Variants in NTRK3 observed in about 807,000 individuals in gnomAD.
NTRK3 encodes the protein NT-3 growth factor receptor.
A neutral mutation model predicts 91.7 loss-of-function variants in NTRK3; 24 were observed. The ratio of observed to expected loss-of-function variants is 0.26; its 90% CI spans 0.19 to 0.37. The LOEUF (loss-of-function observed/expected upper bound fraction) is 0.37. Ranked by LOEUF, NTRK3 falls within the 10% of genes least tolerant of loss-of-function variation. NTRK3 has a pLI of 1.00. For missense variants in NTRK3, 880 were observed against 1,068.9 expected (o/e 0.82, Z 2.46); for synonymous variants, 483 against 404.0 (o/e 1.20, Z -2.34).
At chr15:88,037,165 C>T (rs2079147218) in intron 13 of NTRK3, among the ~76,000 whole-genome samples, 1 of 152,184 alleles carries the variant, frequency 6.6e-6, no homozygotes, top group African/African-American at 2.4e-5. Flanking sequence ...CATCAGAGCC[C>T]TGGGGACCCC....
At chr15:88,044,420 C>G (rs1343340257) in intron 13 of NTRK3, among the ~76,000 whole-genome samples, 1 of 151,670 alleles carries the variant, frequency 6.6e-6, no homozygotes, top group Non-Finnish European at 1.5e-5. Flanking sequence ...GCCACCATAC[C>G]CGGCTAATTT....
chr15:87,908,453 CA>C, intron 17 of NTRK3: 1 of 399,926 alleles, frequency 2.5e-6, no homozygotes, highest in Non-Finnish European at 4.4e-6. Flanking sequence ...CTGCCCTGCC[CA>C]GCCCCCTGGC....
intron 13 of NTRK3, among the ~76,000 whole-genome samples, chr15:88,054,262 A>G (rs2045491318): frequency 6.6e-6 from 1 of 152,242 alleles, no homozygotes. Flanking sequence ...TTTGTTGGAA[A>G]GTTAATATAA....
intron 14 of NTRK3, among the ~76,000 whole-genome samples, chr15:87,975,985 C>T (rs2018052): frequency 0.35 from 53,366 of 152,018 alleles, 10,378 homozygotes; most frequent in East Asian, 0.76. Flanking sequence ...CAATGCTATC[C>T]CTTCCTCCTG....
At chr15:88,225,021 C>G (rs2050553992) in intron 3 of NTRK3, among the ~76,000 whole-genome samples, 2 of 152,162 alleles carry the variant, frequency 1.3e-5, no homozygotes, top group Admixed American at 1.3e-4. Context: ...TTTATTTTCC[C>G]TTAGTAGTTA....
rs186807759 is a variant in NTRK3, at chr15:88,021,809, C to T, written c.1585+11048G>A. Among the ~76,000 whole-genome samples, 31 of 152,246 alleles carry T rather than the reference C, an allele frequency of 2.0e-4. 1 individual carries two copies. In the East Asian group the frequency reaches 5.8e-3, roughly 28 times the overall value. ...GGGACATCTGTCATAAGGTATGACT[C>T]ACGTGTTCACTCACAGCAAGATGGA... On this transcript the variant is annotated intron_variant, in intron 14 of 18. Coordinates refer to ENST00000394480, the Ensembl canonical transcript of NTRK3.
At chr15:87,891,524 C>A (rs1335295331) in intron 17 of NTRK3, among the ~76,000 whole-genome samples, 1 of 152,168 alleles carries the variant, frequency 6.6e-6, no homozygotes, top group Admixed American at 6.5e-5. Context: ...CTACAGATAA[C>A]CATTTCTGTT....
intron 5 of NTRK3, among the ~76,000 whole-genome samples, chr15:88,149,771 T>C (rs1215030679): frequency 6.6e-6 from 1 of 152,128 alleles, no homozygotes; most frequent in Non-Finnish European, 1.5e-5. Flanking sequence ...AGACCAGGAG[T>C]TCGAACTTGG....
intron 14 of NTRK3, among the ~76,000 whole-genome samples, chr15:88,016,741 T>A (rs953089212): frequency 2.0e-5 from 3 of 152,230 alleles, no homozygotes; most frequent in Admixed American, 1.3e-4. Flanking sequence ...TTCTCAGCCA[T>A]TAAAAATTAA....
intron 13 of NTRK3, among the ~76,000 whole-genome samples, chr15:88,119,657 T>A (rs967228881): frequency 2.0e-5 from 3 of 152,138 alleles, no homozygotes; most frequent in Non-Finnish European, 4.4e-5. Flanking sequence ...CCCTTGCACA[T>A]GTCAATTCAG....
At chr15:88,091,664 G>C (rs1017756073) in intron 13 of NTRK3, among the ~76,000 whole-genome samples, 6 of 152,162 alleles carry the variant, frequency 3.9e-5, no homozygotes, top group Non-Finnish European at 5.9e-5. Flanking sequence ...ATGGGCACAA[G>C]AGTAGGGAGA....
chr15:88,094,252 G>A (rs992332085), intron 13 of NTRK3, among the ~76,000 whole-genome samples: 1 of 151,604 alleles, frequency 6.6e-6, no homozygotes, highest in African/African-American at 2.4e-5. Flanking sequence ...GGATCATGAG[G>A]TCAGGAGATC....
intron 13 of NTRK3, among the ~76,000 whole-genome samples, chr15:88,051,419 G>T (rs1474780209): frequency 6.6e-6 from 1 of 152,158 alleles, no homozygotes; most frequent in African/African-American, 2.4e-5. Context: ...TGCAACCCAA[G>T]AATAAGGCTT....
At chr15:88,045,488 A>G (rs891217828) in intron 13 of NTRK3, among the ~76,000 whole-genome samples, 1 of 152,220 alleles carries the variant, frequency 6.6e-6, no homozygotes, top group Non-Finnish European at 1.5e-5. Context: ...AGAACAGGCA[A>G]TTACAAAATA....
At chr15:87,965,412 C>T (rs1218935280) in intron 14 of NTRK3, among the ~76,000 whole-genome samples, 1 of 152,204 alleles carries the variant, frequency 6.6e-6, no homozygotes, top group Non-Finnish European at 1.5e-5. Context: ...GGGGCAGCCC[C>T]TCTCTTTCCT....
chr15:87,981,855 T>C (rs2074304539), intron 14 of NTRK3, among the ~76,000 whole-genome samples: 1 of 152,184 alleles, frequency 6.6e-6, no homozygotes, highest in South Asian at 2.1e-4. Context: ...GCGGGGATGA[T>C]GAGGAGATGA....
chr15:87,978,671 A>G (rs2141338528), intron 14 of NTRK3: 1 of 232,692 alleles, frequency 4.3e-6, no homozygotes, highest in East Asian at 6.1e-5. Flanking sequence ...TCCAGAGAGA[A>G]GAGGAAGTAG....
intron 14 of NTRK3, among the ~76,000 whole-genome samples, chr15:88,006,952 G>A (rs370768979): frequency 6.6e-6 from 1 of 152,180 alleles, no homozygotes; most frequent in Admixed American, 6.5e-5. Flanking sequence ...ACCCATCTCA[G>A]GAGAGTCTGC....
At chr15:88,035,977 A>T (rs78764648) in intron 13 of NTRK3, among the ~76,000 whole-genome samples, 4,138 of 152,252 alleles carry the variant, frequency 0.027, 210 homozygotes, top group African/African-American at 0.095. Flanking sequence ...AAGAGGTGGT[A>T]AATAAAAAAG....
Sources: allele counts gnomAD v4.1 joint callset (sites outside exome capture counted in the v4.1 genomes callset), GRCh38; gene constraint gnomAD v4.1.1; transcripts MANE v1.5; gene names NCBI Gene and HGNC (gene_info 2026-07-23, HGNC 2026-07-21).